CUX1: variants seen among roughly 807,000 people sequenced by gnomAD.
CUX1 encodes the protein cut like homeobox 1.
A neutral mutation model predicts 158.8 loss-of-function variants in CUX1; 31 were observed. The observed-to-expected ratio is 0.20, with a 90% confidence interval of 0.15 to 0.26. The LOEUF (loss-of-function observed/expected upper bound fraction) is 0.26. Among genes scored for constraint, CUX1 ranks in the 10% least tolerant of loss-of-function variants. The pLI is 1.00. For synonymous variants in CUX1, 879 were observed against 862.1 expected (o/e 1.02, Z -0.34); for missense variants, 1,589 against 2,014.6 (o/e 0.79, Z 4.04).
intron 14 of CUX1, among the ~76,000 whole-genome samples, chr7:102,265,760 G>T (rs1554544925): frequency 6.6e-6 from 1 of 152,152 alleles, no homozygotes; most frequent in Admixed American, 6.6e-5. Context: ...CTCTCTGGCT[G>T]CTGCTTGGTG....
chr7:102,096,121 G>A (rs1407287896), intron 4 of CUX1, among the ~76,000 whole-genome samples: 2 of 152,242 alleles, frequency 1.3e-5, no homozygotes, highest in Admixed American at 6.5e-5. Context: ...AGACCCCAGC[G>A]CTGGCCTGGC....
rs782720697 is a variant in CUX1 at position 102,283,296 on chromosome 7, C to A, written c.*206C>A. The A allele has an allele frequency of 9.8e-5, 57 of 582,036 alleles. No individual in the cohort carries two copies. In the Middle Eastern group the frequency reaches 2.2e-3, roughly 22 times the overall value. 36.1% of individuals were successfully genotyped at this position (582,036 alleles called of 1,614,324 possible). On this transcript the variant is annotated 3_prime_UTR_variant, in exon 23 of 23. Transcript: ENST00000292538. The stretch of plus-strand genomic sequence containing the variant: ...AGGCCCGCTAGGTCCAGAGAGCGAG[C>A]CCCCAATGCCCGGCCAGGCTAAGCC...
At chr7:102,037,555 T>C (rs1238732433) in intron 3 of CUX1, among the ~76,000 whole-genome samples, 1 of 151,730 alleles carries the variant, frequency 6.6e-6, no homozygotes, top group Non-Finnish European at 1.5e-5. Flanking sequence ...TTTCTCTGTG[T>C]TGGTCAGGCT....
At chr7:101,886,599 GC>G (rs1316640383) in intron 1 of CUX1, among the ~76,000 whole-genome samples, 1 of 152,162 alleles carries the variant, frequency 6.6e-6, no homozygotes, top group Non-Finnish European at 1.5e-5. Flanking sequence ...AAGCCCCCTG[GC>G]CCCCGTGCCT....
intron 2 of CUX1, among the ~76,000 whole-genome samples, chr7:101,977,414 A>AT (rs1267947776): frequency 6.6e-6 from 1 of 152,158 alleles, no homozygotes; most frequent in Admixed American, 6.6e-5. Context: ...CTTTGAAGAA[A>AT]TACCATTATT....
intron 1 of CUX1, among the ~76,000 whole-genome samples, chr7:101,901,925 C>T (rs1802193640): frequency 6.6e-6 from 1 of 152,220 alleles, no homozygotes; most frequent in African/African-American, 2.4e-5. Flanking sequence ...GAAATGTTGG[C>T]TCTGAAAGCA....
In CUX1 at chr7:102,227,636, C is replaced by T. The variant is rs782061157; in HGVS notation, c.3400C>T (p.Arg1134Trp). Residue 1134 changes from arginine to tryptophan, a missense_variant, in exon 21 of 24, where the codon CGG (arginine) becomes TGG (tryptophan). Coordinates refer to ENST00000292535, the MANE Select transcript of CUX1 (RefSeq NM_181552.4). Reference sequence around the variant, plus strand: ...GCTGGACACCTACGGCATAACCAAGCGGGTGAAGGAGGTGCTGACGGACAA... The same window carrying T: ...GCTGGACACCTACGGCATAACCAAGTGGGTGAAGGAGGTGCTGACGGACAA... Reference protein sequence around the residue: ...PELDTYGITKRVKEVLTDNNL... With the variant: ...PELDTYGITKWVKEVLTDNNL... 1.2e-6 allele frequency: 2 copies of T among 1,612,906 alleles called. No homozygotes were observed. Among genetic ancestry groups the T allele is most frequent in the Non-Finnish European group, 1.7e-6 (2 of 1,179,442 alleles).
intron 20 of CUX1, among the ~76,000 whole-genome samples, chr7:102,225,471 A>T (rs933214722): frequency 2.0e-5 from 3 of 152,184 alleles, no homozygotes; most frequent in African/African-American, 7.2e-5. Context: ...GCTCTATGCT[A>T]CATTTTCTTT....
In CUX1 at chr7:102,084,006, C is replaced by T. The variant is rs1037819922; in HGVS notation, c.269-13358C>T. ...ATTCAAGCAATTCTCCTGTCTCAGC[C>T]TCCCAAATAGCTGGGACTACAGGTG... On this transcript the variant is annotated intron_variant, in intron 4 of 23. Coordinates refer to ENST00000292535, the MANE Select transcript of CUX1 (RefSeq NM_181552.4). Among the ~76,000 whole-genome samples, 9 of 145,754 alleles carry T rather than the reference C, an allele frequency of 6.2e-5. 1 individual carries two copies. The highest frequency in any genetic ancestry group is 9.3e-5 in the Non-Finnish European group (6 of 64,694).
At chr7:102,118,263 C>T (rs147776961) in intron 8 of CUX1, among the ~76,000 whole-genome samples, 3 of 152,240 alleles carry the variant, frequency 2.0e-5, no homozygotes, top group East Asian at 3.9e-4. Flanking sequence ...TAGGGCCAGG[C>T]GCGGTGGCTC....
chr7:102,217,651 A>T (rs372968), intron 20 of CUX1, among the ~76,000 whole-genome samples: 92,243 of 138,792 alleles, frequency 0.66, 28,973 homozygotes, highest in East Asian at 0.93. Flanking sequence ...TCTGGATGGA[A>T]GCAATGGTGT....
Position 102,280,211 on chromosome 7 carries a change from C to G in CUX1, c.1764+91C>G. On this transcript the variant is annotated intron_variant, in intron 19 of 22. Transcript: ENST00000292538. The stretch of plus-strand genomic sequence containing the variant: ...CCATCACTTGGCCCCTATCCCTGAG[C>G]ACTCGGCCTTCCCTGGCTCCCCTCC... 10 of 793,184 alleles carry G rather than the reference C, an allele frequency of 1.3e-5. 1 individual carries two copies. The Admixed American group carries it at 2.0e-4, about 16-fold the overall frequency. 49.1% of individuals were successfully genotyped at this position (793,184 alleles called of 1,614,324 possible).
intron 1 of CUX1, among the ~76,000 whole-genome samples, chr7:101,835,181 C>T (rs1223866682): frequency 1.3e-5 from 2 of 152,184 alleles, no homozygotes; most frequent in East Asian, 3.9e-4. Context: ...CCCGGCACCC[C>T]GTAACCATTC....
chr7:102,246,212 C>T (rs1179091699), intron 23 of CUX1, among the ~76,000 whole-genome samples: 1 of 152,060 alleles, frequency 6.6e-6, no homozygotes, highest in African/African-American at 2.4e-5. Flanking sequence ...AGAGTTTCAC[C>T]CCAACTAGCA....
chr7:102,159,618 TG>T (rs1258122209), intron 9 of CUX1, among the ~76,000 whole-genome samples: 1 of 151,732 alleles, frequency 6.6e-6, no homozygotes, highest in Non-Finnish European at 1.5e-5. Context: ...CCCAGCAGTC[TG>T]GGGGGCCAAG....
intron 3 of CUX1, among the ~76,000 whole-genome samples, chr7:102,044,645 T>TC (rs1822528751): frequency 6.6e-6 from 1 of 152,178 alleles, no homozygotes; most frequent in Non-Finnish European, 1.5e-5. Flanking sequence ...AGTGGTTACA[T>TC]AAAACATTCT....
At chr7:102,071,131 TG>T (rs1196891901) in intron 4 of CUX1, among the ~76,000 whole-genome samples, 1 of 151,936 alleles carries the variant, frequency 6.6e-6, no homozygotes, top group Non-Finnish European at 1.5e-5. Context: ...TTGTATTTTT[TG>T]TACAATGAGT....
intron 8 of CUX1, among the ~76,000 whole-genome samples, chr7:102,133,851 A>G (rs143293762): frequency 6.6e-6 from 1 of 152,068 alleles, no homozygotes; most frequent in African/African-American, 2.4e-5. Flanking sequence ...AAGCCCCCAC[A>G]CCGGGGTAAT....
intron 2 of CUX1, among the ~76,000 whole-genome samples, chr7:102,023,270 C>CATT (rs1819598087): frequency 6.6e-6 from 1 of 152,168 alleles, no homozygotes; most frequent in Non-Finnish European, 1.5e-5. Flanking sequence ...ATTTGTTCCA[C>CATT]TGTGGTTTTG....
Sources: gnomAD v4.1 joint callset for allele counts (sites outside exome capture counted in the v4.1 genomes callset) on GRCh38, gnomAD v4.1.1 for gene constraint, MANE v1.5 for transcripts, NCBI Gene and HGNC (gene_info 2026-07-23, HGNC 2026-07-21) for gene names.